DMD: variants seen among roughly 807,000 people sequenced by gnomAD.
The protein encoded by DMD is dystrophin.
In DMD, 63 loss-of-function variants were observed where a neutral mutation model predicts 330.1. The observed-to-expected ratio is 0.19, with a 90% CI of 0.16 to 0.24. The LOEUF is 0.24. Among genes scored for constraint, DMD ranks in the 10% least tolerant of loss-of-function variants. The pLI is 1.00. For synonymous variants in DMD, 1,223 were observed against 959.8 expected, an observed-to-expected ratio of 1.27 and a Z score of -5.07; for missense variants, 3,344 against 2,684.1, an observed-to-expected ratio of 1.25 and a Z score of -5.43.
chrX:32,890,808 T>G (rs945185429), intron 2 of DMD, among the ~76,000 whole-genome samples: 2 of 111,967 alleles, frequency 1.8e-5, no homozygotes, highest in African/African-American at 6.5e-5. Flanking sequence ...ATTTTCATTT[T>G]GCTTTATTTT....
At chrX:31,811,073 C>T (rs1057052294) in intron 50 of DMD, among the ~76,000 whole-genome samples, 12 of 112,015 alleles carry the variant, frequency 1.1e-4, no homozygotes, top group African/African-American at 3.9e-4. Flanking sequence ...AGTTTCTCTT[C>T]CTTCATCAGT....
chrX:32,025,172 A>AT (rs760469290), intron 44 of DMD, among the ~76,000 whole-genome samples: 13 of 111,939 alleles, frequency 1.2e-4, no homozygotes, highest in African/African-American at 3.9e-4. Context: ...ATGCATGAAG[A>AT]TTGTCTCTGG....
At chrX:32,708,432 C>G (rs1354055184) in intron 7 of DMD, among the ~76,000 whole-genome samples, 1 of 110,774 alleles carries the variant, frequency 9.0e-6, no homozygotes, top group African/African-American at 3.3e-5. Flanking sequence ...ATTTCCCTGT[C>G]CCAGTTTTTA....
intron 2 of DMD, among the ~76,000 whole-genome samples, chrX:32,925,103 G>A (rs1201905664): frequency 3.2e-5 from 3 of 93,112 alleles, no homozygotes. Context: ...CAATGTCATA[G>A]TATTTTTCCA....
chrX:32,314,134 C>T (rs760723988), intron 41 of DMD, among the ~76,000 whole-genome samples: 2 of 111,589 alleles, frequency 1.8e-5, no homozygotes, highest in African/African-American at 6.5e-5. Flanking sequence ...ATCACGCTAC[C>T]TGACTTCAAA....
chrX:32,139,192 T>G (rs779008672), intron 44 of DMD, among the ~76,000 whole-genome samples: 3 of 112,490 alleles, frequency 2.7e-5, no homozygotes, highest in African/African-American at 9.7e-5. Context: ...TTTGCTAAAC[T>G]GGGCTGTTCT....
At chrX:32,868,218 G>A (rs755530868) in intron 2 of DMD, among the ~76,000 whole-genome samples, 3 of 111,890 alleles carry the variant, frequency 2.7e-5, no homozygotes, top group African/African-American at 3.3e-5. Context: ...TGTGCAACCC[G>A]CAGATCAGGA....
intron 44 of DMD, among the ~76,000 whole-genome samples, chrX:32,081,515 T>C (rs1281494618): frequency 8.9e-6 from 1 of 112,199 alleles, no homozygotes. Flanking sequence ...GAATATGTAT[T>C]GGTCCAGTGG....
rs777371893 is a variant in DMD at position 31,500,578 on chromosome X, T to G, written c.8391-3634A>C. Among the ~76,000 whole-genome samples, 17 of 112,396 alleles carry G rather than the reference T, an allele frequency of 1.5e-4. No homozygotes were observed. In the South Asian group the frequency reaches 6.3e-3, roughly 41 times the overall value. ...CATTTATCGGAAGCAGTTGCCCTAT[T>G]TTTATTTTCATGAGTGTATATACCA... is the stretch of plus-strand genomic sequence containing the variant. On this transcript the variant is annotated intron_variant, in intron 56 of 78. Transcript: ENST00000357033.
intron 30 of DMD, among the ~76,000 whole-genome samples, chrX:32,391,403 G>C (rs1899910382): frequency 9.0e-6 from 1 of 111,208 alleles, no homozygotes; most frequent in African/African-American, 3.3e-5. Context: ...TGAGTAATGA[G>C]AATTATACCA....
chrX:32,781,574 A>T (rs1413973615), intron 7 of DMD, among the ~76,000 whole-genome samples: 1 of 110,342 alleles, frequency 9.1e-6, no homozygotes, highest in Non-Finnish European at 1.9e-5. Context: ...TAAGTAAATA[A>T]ATTCTCCCTT....
intron 7 of DMD, among the ~76,000 whole-genome samples, chrX:32,794,019 A>C (rs1045067859): frequency 2.2e-4 from 25 of 111,825 alleles, no homozygotes; most frequent in African/African-American, 8.1e-4. Context: ...AGAACATAAA[A>C]AATGTAATAT....
At chrX:33,194,599 C>T (rs1348113196) in intron 1 of DMD, among the ~76,000 whole-genome samples, 1 of 111,035 alleles carries the variant, frequency 9.0e-6, no homozygotes, top group African/African-American at 3.3e-5. Context: ...CACATACAAG[C>T]CTCTTTAACA....
At chrX:32,688,175 A>G (rs1397104388) in intron 9 of DMD, among the ~76,000 whole-genome samples, 2 of 110,885 alleles carry the variant, frequency 1.8e-5, no homozygotes, top group African/African-American at 6.6e-5. Context: ...AATTCTAGGA[A>G]CCGACAAATC....
chrX:32,583,813 T>C (rs1188591082), intron 13 of DMD: 2 of 112,519 alleles, frequency 1.8e-5, no homozygotes, highest in East Asian at 5.7e-4. Context: ...ATACCTGTAA[T>C]AATAGGTGGA....
chrX:31,488,920 C>G (rs1370701409), intron 57 of DMD, among the ~76,000 whole-genome samples: 1 of 111,837 alleles, frequency 8.9e-6, no homozygotes, highest in Non-Finnish European at 1.9e-5. Flanking sequence ...AATCCACCTC[C>G]AAACTATGGC....
At chrX:31,315,999 G>A (rs916004957) in intron 62 of DMD, among the ~76,000 whole-genome samples, 1 of 112,334 alleles carries the variant, frequency 8.9e-6, no homozygotes, top group Non-Finnish European at 1.9e-5. Context: ...AGCTAGAGCT[G>A]AGAGTGGTCC....
At chrX:32,666,399 T>A (rs1661321153) in intron 9 of DMD, among the ~76,000 whole-genome samples, 1 of 110,504 alleles carries the variant, frequency 9.0e-6, no homozygotes, top group Admixed American at 9.7e-5. Context: ...GATGTTCCCC[T>A]CCCTGTGTCC....
At chrX:32,334,141 T>TC (rs1721219646) in intron 41 of DMD, among the ~76,000 whole-genome samples, 1 of 111,122 alleles carries the variant, frequency 9.0e-6, no homozygotes, top group Non-Finnish European at 1.9e-5. Flanking sequence ...ACCACTATGA[T>TC]CATCAACAAT....
Sources: gnomAD v4.1 joint callset for allele counts (sites outside exome capture counted in the v4.1 genomes callset) on GRCh38, gnomAD v4.1.1 for gene constraint, MANE v1.5 for transcripts, NCBI Gene and HGNC (gene_info 2026-07-23, HGNC 2026-07-21) for gene names.